The following PPP6R2 variants were observed in gnomAD, a reference collection of about 807,000 sequenced individuals.
PPP6R2 encodes the protein protein phosphatase 6 regulatory subunit 2.
PPP6R2 carries 62 observed loss-of-function variants against 100.2 expected under a neutral mutation model. The ratio of observed to expected loss-of-function variants is 0.62; its 90% CI spans 0.50 to 0.76. PPP6R2 has a LOEUF of 0.76. Ranked by LOEUF, PPP6R2 falls within the 30% of genes least tolerant of loss-of-function variation. The probability of loss-of-function intolerance (pLI) is 0.00; values close to 1 mark genes in which losing one functional copy is unlikely to be tolerated. For missense variants in PPP6R2, 1,142 were observed against 1,276.3 expected, an observed-to-expected ratio of 0.89 and a Z score of 1.60; for synonymous variants, 525 against 514.7, an observed-to-expected ratio of 1.02 and a Z score of -0.27.
chr22:50,425,958 T>G (rs1365935193), intron 10 of PPP6R2, among the ~76,000 whole-genome samples: 1 of 152,060 alleles, frequency 6.6e-6, no homozygotes, highest in South Asian at 2.1e-4. Flanking sequence ...AAATATTTTC[T>G]TTGGGTTATC....
intron 3 of PPP6R2, among the ~76,000 whole-genome samples, chr22:50,399,235 A>G (rs1184333635): frequency 3.9e-5 from 6 of 152,232 alleles, no homozygotes; most frequent in Non-Finnish European, 7.3e-5. Flanking sequence ...ATATAAATAT[A>G]TATGTAGACC....
intron 8 of PPP6R2, among the ~76,000 whole-genome samples, chr22:50,420,373 A>G (rs912061916): frequency 6.6e-6 from 1 of 152,202 alleles, no homozygotes; most frequent in Admixed American, 6.5e-5. Flanking sequence ...GTGACCCCAC[A>G]TCGCTGTCCT....
the PPP6R2 span, among the ~76,000 whole-genome samples, chr22:50,331,138 T>C: frequency 1.3e-5 from 2 of 152,222 alleles, no homozygotes; most frequent in African/African-American, 4.8e-5. Context: ...TGCATGTTGT[T>C]GCATGTACCA....
At chr22:50,359,191 G>A (rs1380852999) in intron 1 of PPP6R2, among the ~76,000 whole-genome samples, 3 of 150,586 alleles carry the variant, frequency 2.0e-5, no homozygotes, top group Non-Finnish European at 3.0e-5. Context: ...GTAGAGACAC[G>A]GTTTCATCCT....
intron 22 of PPP6R2, among the ~76,000 whole-genome samples, chr22:50,441,819 G>A (rs1362128363): frequency 6.6e-6 from 1 of 152,154 alleles, no homozygotes; most frequent in Non-Finnish European, 1.5e-5. Flanking sequence ...TACCTCTCTG[G>A]CCTCTGGGGT....
At chr22:50,369,804 C>A (rs2049618630) in intron 1 of PPP6R2, among the ~76,000 whole-genome samples, 3 of 152,042 alleles carry the variant, frequency 2.0e-5, no homozygotes, top group Admixed American at 1.3e-4. Flanking sequence ...CCGCGCCTGA[C>A]CTTTCACTGC....
chr22:50,422,812 A>T (rs1001344270), intron 9 of PPP6R2, among the ~76,000 whole-genome samples: 1 of 152,126 alleles, frequency 6.6e-6, no homozygotes, highest in Non-Finnish European at 1.5e-5. Flanking sequence ...CCCTCCCCAG[A>T]CACAACCCGA....
intron 3 of PPP6R2, among the ~76,000 whole-genome samples, chr22:50,397,611 GGGGGCAGGGGGGC>G (rs2057223479): frequency 1.6e-5 from 2 of 125,490 alleles, no homozygotes; most frequent in African/African-American, 3.7e-5. Flanking sequence ...GACTTGGGAT[GGGGGCAGGGGGGC>G]CTGTCCTCAC....
At chr22:50,384,622 C>T (rs2053827694) in intron 2 of PPP6R2, among the ~76,000 whole-genome samples, 1 of 152,222 alleles carries the variant, frequency 6.6e-6, no homozygotes, top group East Asian at 1.9e-4. Flanking sequence ...GGTTGAGAGG[C>T]ATATCTGGTG....
At chr22:50,350,507 C>T (rs1042091127) in intron 1 of PPP6R2, among the ~76,000 whole-genome samples, 1 of 151,240 alleles carries the variant, frequency 6.6e-6, no homozygotes, top group Non-Finnish European at 1.5e-5. Flanking sequence ...GCTGGGATTA[C>T]AGGCATGAAC....
rs2058470843 is a variant in PPP6R2 at position 50,404,121 on chromosome 22, G to T, written c.228-2568G>T. Among the ~76,000 whole-genome samples, 7 of 132,264 alleles carry T rather than the reference G, an allele frequency of 5.3e-5. No homozygotes were observed. In the South Asian group the frequency reaches 1.7e-3, roughly 32 times the overall value. 86.8% of individuals were successfully genotyped at this position (132,264 alleles called of 152,430 possible). On this transcript the variant is annotated intron_variant, in intron 3 of 23. Coordinates refer to ENST00000612753, the MANE Select transcript of PPP6R2 (RefSeq NM_001242898.2). ...TTTTTTTTTTTTTCTGGAAACAAGAGTCTCGCTCTGTCACCCAGACTGGAG... is the reference window on the plus strand; with the variant it reads ...TTTTTTTTTTTTTCTGGAAACAAGATTCTCGCTCTGTCACCCAGACTGGAG...
intron 1 of PPP6R2, among the ~76,000 whole-genome samples, chr22:50,357,074 G>A (rs777796393): frequency 4.6e-5 from 7 of 152,098 alleles, no homozygotes; most frequent in South Asian, 2.1e-4. Flanking sequence ...CCATTCAGGC[G>A]GTAGTGGTAT....
At chr22:50,349,194 T>C (rs1448045150) in intron 1 of PPP6R2, among the ~76,000 whole-genome samples, 10 of 68,198 alleles carry the variant, frequency 1.5e-4, no homozygotes, top group South Asian at 5.9e-4. Flanking sequence ...AGACTTCCTC[T>C]CAAAAAAAAA....
intron 2 of PPP6R2, among the ~76,000 whole-genome samples, chr22:50,385,243 T>C (rs1461566079): frequency 6.6e-6 from 1 of 152,166 alleles, no homozygotes; most frequent in Non-Finnish European, 1.5e-5. Context: ...TCACCCAGGC[T>C]GGAGTGCAAT....
chr22:50,400,911 G>A (rs955146268), intron 3 of PPP6R2, among the ~76,000 whole-genome samples: 4 of 151,950 alleles, frequency 2.6e-5, no homozygotes, highest in Admixed American at 2.6e-4. Context: ...TCTCTTTCTG[G>A]GACTTCTAAT....
intron 4 of PPP6R2, among the ~76,000 whole-genome samples, chr22:50,408,245 A>G (rs138834171): frequency 6.6e-6 from 1 of 152,176 alleles, no homozygotes; most frequent in Non-Finnish European, 1.5e-5. Context: ...TCATGATCAC[A>G]CTCCAAAAAT....
At chr22:50,337,378 G>A in the PPP6R2 span, among the ~76,000 whole-genome samples, 1 of 133,190 alleles carries the variant, frequency 7.5e-6, no homozygotes. Context: ...TGCTGTGTGG[G>A]GGGTGTGTGT....
chr22:50,347,770 GC>G (rs1471097237), intron 1 of PPP6R2, among the ~76,000 whole-genome samples: 2 of 151,908 alleles, frequency 1.3e-5, no homozygotes, highest in Non-Finnish European at 2.9e-5. Context: ...TTCCCTCATG[GC>G]CTCTCTCTGC....
chr22:50,360,390 G>T (rs1413947144), intron 1 of PPP6R2, among the ~76,000 whole-genome samples: 2 of 146,142 alleles, frequency 1.4e-5, no homozygotes, highest in African/African-American at 5.1e-5. Context: ...GGTCTCCTCT[G>T]CTGCCCACTT....
Sources: gnomAD v4.1 joint callset for allele counts (sites outside exome capture counted in the v4.1 genomes callset) on GRCh38, gnomAD v4.1.1 for gene constraint, MANE v1.5 for transcripts, NCBI Gene and HGNC (gene_info 2026-07-23, HGNC 2026-07-21) for gene names.